KCNN1: variants seen among roughly 807,000 people sequenced by gnomAD.
KCNN1 encodes potassium calcium-activated channel subfamily N member 1, also known as small conductance calcium-activated potassium channel protein 1.
Under a neutral mutation model 44.7 loss-of-function variants are expected in KCNN1, and 20 were observed. The ratio of observed to expected loss-of-function variants is 0.45; its 90% CI spans 0.32 to 0.65. The LOEUF (loss-of-function observed/expected upper bound fraction) is 0.65, where lower values mean the gene tolerates loss of function less well. KCNN1 is among the 30% of genes least tolerant of loss of function. KCNN1 has a pLI of 0.05. For missense variants in KCNN1, 632 were observed against 785.3 expected (o/e 0.80, Z 2.33); for synonymous variants, 324 against 341.7 (o/e 0.95, Z 0.57).
chr19:17,971,469 A>ATT (rs557385879), intron 1 of KCNN1, among the ~76,000 whole-genome samples: 5 of 148,226 alleles, frequency 3.4e-5, no homozygotes, highest in African/African-American at 1.2e-4. Flanking sequence ...TATTATTATT[A>ATT]TTTTTTTTTT....
At chr19:17,995,142 C>T (rs2032938713) in intron 9 of KCNN1, among the ~76,000 whole-genome samples, 1 of 151,888 alleles carries the variant, frequency 6.6e-6, no homozygotes, top group Non-Finnish European at 1.5e-5. Context: ...TTAATATTAA[C>T]CTACAAGAAA....
At chr19:17,964,268 C>T (rs6512242), upstream of KCNN1, among the ~76,000 whole-genome samples, 28,630 of 152,180 alleles carry the variant, frequency 0.19, 2,923 homozygotes, top group East Asian at 0.37. This position sits in a 1 kb window ranked among gnomAD's most constrained non-coding sequence, Gnocchi z 4.3. Context: ...GTGGATGCAC[C>T]TGTGGAGGGG....
intron 2 of KCNN1, among the ~76,000 whole-genome samples, chr19:17,960,518 T>C (rs2031652118): frequency 6.6e-6 from 1 of 151,966 alleles, no homozygotes; most frequent in Non-Finnish European, 1.5e-5. Flanking sequence ...TAATCCCAGC[T>C]ACTCGGGAGG....
At chr19:17,988,930 T>A (rs576098681) in intron 6 of KCNN1, among the ~76,000 whole-genome samples, 20 of 148,004 alleles carry the variant, frequency 1.4e-4, no homozygotes, top group African/African-American at 4.4e-4. Flanking sequence ...AAAAAAGGAC[T>A]GTGCTTGGCT....
chr19:17,957,072 A>G, intron 2 of KCNN1, among the ~76,000 whole-genome samples: 1 of 150,718 alleles, frequency 6.6e-6, no homozygotes, highest in Non-Finnish European at 1.5e-5. Flanking sequence ...AAACAAAACA[A>G]AAAAACAAAA....
At chr19:17,979,850 G>A (rs892039366) in intron 3 of KCNN1, among the ~76,000 whole-genome samples, 4 of 151,492 alleles carry the variant, frequency 2.6e-5, no homozygotes, top group Admixed American at 1.3e-4. Flanking sequence ...TTTTTAAAAT[G>A]ACACGTGAAA....
intron 1 of KCNN1, chr19:17,951,414 G>T (rs1283021081): frequency 2.6e-5 from 4 of 152,388 alleles, no homozygotes; most frequent in Non-Finnish European, 5.9e-5. Context: ...CCGGAGGTGG[G>T]CACTTGTCCG....
chr19:17,975,194 G>A lies in KCNN1; in HGVS notation c.498+7G>A, dbSNP rs751270759. The A allele has an allele frequency of 6.2e-7, 1 of 1,607,112 alleles. No homozygotes were observed. Among genetic ancestry groups the A allele is most frequent in the South Asian group, 1.1e-5 (1 of 90,934 alleles). On this transcript the variant is annotated splice_region_variant and intron_variant, in intron 3 of 9. Transcript: ENST00000684775. ...CCATGCCCGGGAGATCCAGGTCAGT[G>A]CTGAATACTGCAGGAAGCAGCTCCT...
At chr19:17,958,061 C>T (rs758215350) in intron 2 of KCNN1, among the ~76,000 whole-genome samples, 1 of 151,986 alleles carries the variant, frequency 6.6e-6, no homozygotes, top group Non-Finnish European at 1.5e-5. Flanking sequence ...GGAAGGCATC[C>T]TGGAGGAGGT....
intron 2 of KCNN1, among the ~76,000 whole-genome samples, chr19:17,955,233 G>C (rs1024355226): frequency 1.3e-5 from 2 of 149,206 alleles, no homozygotes; most frequent in Non-Finnish European, 3.0e-5. Flanking sequence ...CTAGGCGACA[G>C]AGCGAGACCC....
chr19:17,984,013 AT>A (rs1193084202), intron 4 of KCNN1, among the ~76,000 whole-genome samples: 2 of 151,882 alleles, frequency 1.3e-5, no homozygotes, highest in African/African-American at 4.8e-5. Flanking sequence ...AAAAAAAAAA[AT>A]TAGATGGGCA....
At chr19:17,954,388 C>T (rs932677786) in intron 1 of KCNN1, among the ~76,000 whole-genome samples, 2 of 151,478 alleles carry the variant, frequency 1.3e-5, no homozygotes, top group Non-Finnish European at 2.9e-5. Context: ...ACCCTGGAGG[C>T]GGCAGTTGCA....
intron 1 of KCNN1, among the ~76,000 whole-genome samples, chr19:17,970,053 T>C (rs1023004741): frequency 3.3e-5 from 5 of 152,324 alleles, no homozygotes; most frequent in African/African-American, 9.6e-5. Context: ...CCAGGCCTTA[T>C]AGACTGTGAA....
In KCNN1 at chr19:17,973,978, C is replaced by T. The variant is rs376464690; in HGVS notation, c.90C>T (p.Ala30=). ...GACGAGACCCTCCGGACCCTGAGGC[C>T]GGCCACCCCCCACAACCCCCGCACA... ...ALGRDPPDPE[A]GHPPQPPHSP... The change falls in exon 2 of 10, where the codon GCC becomes GCT. Residue 30 remains alanine (A), a synonymous_variant. Transcript: ENST00000684775. 1,901 of 1,570,680 alleles carry T rather than the reference C, an allele frequency of 1.2e-3. 22 individuals carry two copies. The African/African-American group carries it at 0.022, about 18-fold the overall frequency.
Position 17,975,076 on chromosome 19 carries a change from CCT to C in KCNN1, c.403-9_403-8del. ...GCCTCCAGCGTCCATCTGGCTGTGT[CCT>C]CTCTCTTTACCAGGAGTCTCTGTAC... On this transcript the variant is annotated splice_polypyrimidine_tract_variant and intron_variant, in intron 2 of 9. Coordinates refer to ENST00000684775, the MANE Select transcript of KCNN1 (RefSeq NM_001386974.1). 1.2e-6 allele frequency: 2 copies of C among 1,606,584 alleles called. No individual in the cohort carries two copies. The highest frequency in any genetic ancestry group is 1.7e-6 in the Non-Finnish European group (2 of 1,173,168).
rs1442704970 is a variant in KCNN1 at position 17,981,763 on chromosome 19, C to T, written c.553C>T (p.Arg185Cys). ...CTGGCGCATCGCCATGACCTGCGAG[C>T]GCGTGTTCCTCATCTCGCTAGAGCT... The part of the protein sequence containing the change: ...DDWRIAMTCE[R>C]VFLISLELAV... The change falls in exon 4 of 10, where the codon CGC (arginine) becomes TGC (cysteine). Residue 185 changes from arginine (R) to cysteine (C), a missense_variant. Arg to Cys is a radical substitution (Grantham distance 180, BLOSUM62 -3). Around this residue, in one of 3 missense-constraint regions of KCNN1, gnomAD observed 160 missense variants for 308.3 expected, o/e 0.52. Coordinates refer to ENST00000684775, the MANE Select transcript of KCNN1 (RefSeq NM_001386974.1). 6.2e-7 allele frequency: 1 copy of T among 1,609,890 alleles called. No individual in the cohort carries two copies. The highest frequency in any genetic ancestry group is 8.5e-7 in the Non-Finnish European group (1 of 1,177,040).
rs2032105385 is a variant in KCNN1, at chr19:17,973,816, A to C, written c.-73A>C. 4 of 1,525,262 alleles carry C rather than the reference A, an allele frequency of 2.6e-6. No individual in the cohort carries two copies. Among genetic ancestry groups the C allele is most frequent in the Non-Finnish European group, 3.5e-6 (4 of 1,141,124 alleles). 94.5% of individuals were successfully genotyped at this position (1,525,262 alleles called of 1,614,324 possible). On this transcript the variant is annotated 5_prime_UTR_variant, in exon 2 of 10. Transcript: ENST00000684775. ...CCTCTGTGCCCTTGCAGGTCAGTGC[A>C]GGAGCCCAGCCGCTGAGCCATGCCG...
chr19:17,980,436 C>T (rs1405277537), intron 3 of KCNN1, among the ~76,000 whole-genome samples: 1 of 151,668 alleles, frequency 6.6e-6, no homozygotes, highest in Non-Finnish European at 1.5e-5. Flanking sequence ...TCTGTCCAAG[C>T]GTTTGCTTAA....
At position 17,985,311 on chromosome 19, in the gene KCNN1, G is replaced by A. The variant is rs1333261398; in HGVS notation, c.918-1G>A. ...CCCTCTTCCCACTCTGGCTCCCCCA[G>A]GTACCACGACAAGCAGGAAGTGACC... On this transcript the variant is annotated splice_acceptor_variant, in intron 4 of 9. Coordinates refer to ENST00000684775, the MANE Select transcript of KCNN1 (RefSeq NM_001386974.1). LOFTEE classifies it high-confidence loss of function. 2 of 1,592,086 alleles carry A rather than the reference G, an allele frequency of 1.3e-6. No individual in the cohort carries two copies. Among genetic ancestry groups the A allele is most frequent in the South Asian group, 1.1e-5 (1 of 87,052 alleles).
Sources: allele counts gnomAD v4.1 joint callset (sites outside exome capture counted in the v4.1 genomes callset), GRCh38; gene constraint gnomAD v4.1.1; regional missense constraint gnomAD v4.1.1; non-coding constraint Gnocchi (gnomAD v3.1); transcripts MANE v1.5; gene names NCBI Gene and HGNC (gene_info 2026-07-23, HGNC 2026-07-21).